NSUN3: variants seen among roughly 807,000 people sequenced by gnomAD.
NSUN3 encodes the protein tRNA (cytosine(34)-C(5))-methyltransferase, mitochondrial.
In NSUN3, 24 loss-of-function variants were observed where a neutral mutation model predicts 36.8. The observed-to-expected ratio is 0.65, with a 90% CI of 0.47 to 0.92. The LOEUF is 0.92. NSUN3 is among the 40% of genes least tolerant of loss of function. The pLI is 0.00. For missense variants in NSUN3, 381 were observed against 392.8 expected, an observed-to-expected ratio of 0.97 and a Z score of 0.25; for synonymous variants, 146 against 145.2, an observed-to-expected ratio of 1.01 and a Z score of -0.04.
chr3:94,102,753 T>G (rs1293803613), intron 5 of NSUN3, among the ~76,000 whole-genome samples: 3 of 152,284 alleles, frequency 2.0e-5, no homozygotes, highest in Admixed American at 6.5e-5. Context: ...AAGCTATAAT[T>G]TGTAACTATT....
At chr3:94,123,989 ATG>A (rs1311369055) in intron 5 of NSUN3, among the ~76,000 whole-genome samples, 3 of 152,178 alleles carry the variant, frequency 2.0e-5, no homozygotes, top group Admixed American at 6.5e-5. Context: ...ATATGTATGT[ATG>A]TATATGTGTA....
At chr3:94,076,208 G>A in intron 2 of NSUN3, 1 of 917,104 alleles carries the variant, frequency 1.1e-6, no homozygotes, top group South Asian at 1.3e-5. Flanking sequence ...ACTGTGAGGT[G>A]ACTACTGAAC....
chr3:94,077,147 C>A, intron 2 of NSUN3: 1 of 733,660 alleles, frequency 1.4e-6, no homozygotes, highest in South Asian at 1.4e-5. Context: ...TCCACTGCGT[C>A]ATCAAAGGCT....
chr3:94,096,852 C>T (rs879665390), intron 5 of NSUN3, among the ~76,000 whole-genome samples: 2 of 152,138 alleles, frequency 1.3e-5, no homozygotes, highest in African/African-American at 2.4e-5. Context: ...TTATTCCTTA[C>T]ACCTGTAACA....
intron 5 of NSUN3, among the ~76,000 whole-genome samples, chr3:94,098,425 T>C (rs921432692): frequency 6.6e-6 from 1 of 152,220 alleles, no homozygotes; most frequent in Non-Finnish European, 1.5e-5. Flanking sequence ...GTGTCAATTA[T>C]CCTTCTGGAA....
intron 2 of NSUN3, among the ~76,000 whole-genome samples, chr3:94,082,980 A>G (rs2077276412): frequency 6.6e-6 from 1 of 152,160 alleles, no homozygotes. Context: ...TTTTATGATA[A>G]TACTTTTCCC....
Position 94,130,637 on chromosome 3 carries a change from C to T in NSUN3, c.*4147C>T, listed in dbSNP as rs13095871. Among the ~76,000 whole-genome samples, 7 of 152,138 alleles carry T rather than the reference C, an allele frequency of 4.6e-5. No homozygotes were observed. The highest frequency in any genetic ancestry group is 1.7e-4 in the African/African-American group (7 of 41,412). ...GTCTTTCTGCATGGCCTCCTCATCC[C>T]CATCCCAGGGGAGAACGTGAATGTT... On this transcript the variant is annotated 3_prime_UTR_variant, in exon 6 of 6. Transcript: ENST00000314622.
In NSUN3 at chr3:94,126,272, A is replaced by G. The variant is rs558396830; in HGVS notation, c.805A>G (p.Lys269Glu). ...TGTATACTCTACATGCACGCTTTCC[A>G]AGGCAGAAAATCAAGATGTGATCAG... ...ILVYSTCTLS[K>E]AENQDVISEI... is the part of the protein sequence containing the mutation. The change falls in exon 6 of 6, where the codon AAG (lysine) becomes GAG (glutamate). Residue 269 changes from lysine to glutamate, a missense_variant. Transcript: ENST00000314622. 6 of 1,614,142 alleles carry G rather than the reference A, an allele frequency of 3.7e-6. No homozygotes were observed. Among genetic ancestry groups the G allele is most frequent in the Non-Finnish European group, 5.1e-6 (6 of 1,180,008 alleles).
rs548194905 is a variant in NSUN3, at chr3:94,101,576, G to A, written c.743+6422G>A. On this transcript the variant is annotated intron_variant, in intron 5 of 5. Transcript: ENST00000314622. ...GAATTTACAGAACACAAAGATAAAA[G>A]TTACATAAAATTTTCTCACACATCT... 1.6e-4 allele frequency among the ~76,000 whole-genome samples: 25 copies of A among 152,146 alleles called. No individual in the cohort carries two copies. In the South Asian group the frequency reaches 4.4e-3, roughly 27 times the overall value.
intron 2 of NSUN3, among the ~76,000 whole-genome samples, chr3:94,074,235 G>A (rs776936618): frequency 2.6e-5 from 4 of 152,210 alleles, no homozygotes; most frequent in Non-Finnish European, 4.4e-5. Context: ...CAGGTAGCAT[G>A]ATGCCTCCAG....
intron 5 of NSUN3, among the ~76,000 whole-genome samples, chr3:94,108,312 CT>C (rs777097270): frequency 2.9e-4 from 44 of 152,292 alleles, no homozygotes; most frequent in South Asian, 2.7e-3. Context: ...TGAAAATTCT[CT>C]TCCTGACCTG....
chr3:94,084,334 A>G lies in NSUN3; in HGVS notation c.350A>G (p.Asn117Ser). The G allele has an allele frequency of 3.7e-6, 6 of 1,614,102 alleles. No individual in the cohort carries two copies. Among genetic ancestry groups the G allele is most frequent in the South Asian group, 1.1e-5 (1 of 91,076 alleles). ...IGNLKKYYLL[N>S]AASLLPVLAL... ...AACCTGAAAAAATATTATCTCCTAA[A>G]TGCTGCTTCTCTTCTCCCAGTGTTG... The change falls in exon 3 of 6, where the codon AAT (asparagine) becomes AGT (serine). Residue 117 changes from asparagine (N) to serine (S), a missense_variant. Coordinates refer to ENST00000314622, the MANE Select transcript of NSUN3 (RefSeq NM_022072.5).
At position 94,063,143 on chromosome 3, in the gene NSUN3, G is replaced by C. The variant is rs917562009; in HGVS notation, c.12+5G>C. On this transcript the variant is annotated splice_donor_5th_base_variant and intron_variant, in intron 1 of 5. Transcript: ENST00000314622. ...AGCGGGACAATGCTGACCCAGGTGAGACCTGGGGCCCGGCTGGGTACCTCT... is the reference window on the plus strand; with the variant it reads ...AGCGGGACAATGCTGACCCAGGTGACACCTGGGGCCCGGCTGGGTACCTCT... 1.9e-6 allele frequency: 3 copies of C among 1,613,960 alleles called. No homozygotes were observed. Among genetic ancestry groups the C allele is most frequent in the Middle Eastern group, 3.3e-4 (2 of 6,000 alleles).
chr3:94,119,897 A>G (rs1267093694), intron 5 of NSUN3, among the ~76,000 whole-genome samples: 2 of 152,270 alleles, frequency 1.3e-5, no homozygotes, highest in Non-Finnish European at 1.5e-5. Flanking sequence ...GTTACCACAT[A>G]CAATTTTCTC....
chr3:94,125,436 G>A (rs1449317142), intron 5 of NSUN3, among the ~76,000 whole-genome samples: 1 of 152,006 alleles, frequency 6.6e-6, no homozygotes, highest in South Asian at 2.1e-4. Context: ...TTTGATTTGG[G>A]GTCTAAAACC....
At chr3:94,067,730 A>T (rs958938856) in intron 2 of NSUN3, among the ~76,000 whole-genome samples, 1 of 152,156 alleles carries the variant, frequency 6.6e-6, no homozygotes, top group African/African-American at 2.4e-5. Flanking sequence ...AGTTATTTCC[A>T]TTTATATATA....
chr3:94,095,051 T>G lies in NSUN3; in HGVS notation c.640T>G (p.Cys214Gly), dbSNP rs2077331859. The change falls in exon 5 of 6, where the codon TGT (cysteine) becomes GGT (glycine). Residue 214 changes from cysteine (C) to glycine (G), a missense_variant. Physicochemically the swap from Cys to Gly is radical, Grantham distance 159 (BLOSUM62 -3). Coordinates refer to ENST00000314622, the MANE Select transcript of NSUN3 (RefSeq NM_022072.5). ...MFDKVLVDAP[C>G]SNDRSWLFSS... ...TCTCTAGGTGTTAGTGGATGCTCCGTGTTCAAATGATCGAAGCTGGTTGTT... is the reference window on the plus strand; with the variant it reads ...TCTCTAGGTGTTAGTGGATGCTCCGGGTTCAAATGATCGAAGCTGGTTGTT... The G allele has an allele frequency of 6.2e-7, 1 of 1,613,910 alleles. No individual in the cohort carries two copies. Among genetic ancestry groups the G allele is most frequent in the Non-Finnish European group, 8.5e-7 (1 of 1,179,922 alleles).
intron 5 of NSUN3, among the ~76,000 whole-genome samples, chr3:94,119,411 A>G (rs1434067700): frequency 6.6e-6 from 1 of 152,188 alleles, no homozygotes; most frequent in Non-Finnish European, 1.5e-5. Context: ...TTCAGTTCGT[A>G]AGAAAAATGG....
At chr3:94,096,387 C>G (rs1194038912) in intron 5 of NSUN3, among the ~76,000 whole-genome samples, 1 of 152,102 alleles carries the variant, frequency 6.6e-6, no homozygotes, top group African/African-American at 2.4e-5. Flanking sequence ...AACTTTATAC[C>G]ACCGTTCCCT....
Sources: allele counts gnomAD v4.1 joint callset (sites outside exome capture counted in the v4.1 genomes callset), GRCh38; gene constraint gnomAD v4.1.1; transcripts MANE v1.5; gene names NCBI Gene and HGNC (gene_info 2026-07-23, HGNC 2026-07-21).